The following ATP6V1H variants were observed in gnomAD, a reference collection of about 807,000 sequenced individuals.
ATP6V1H encodes the protein V-type proton ATPase subunit H.
ATP6V1H carries 39 observed loss-of-function variants against 71.7 expected under a neutral mutation model. That is an observed-to-expected ratio of 0.54 (90% CI 0.42 to 0.71). The LOEUF is 0.71. Ranked by LOEUF, ATP6V1H falls within the 30% of genes least tolerant of loss-of-function variation. The pLI is 0.00. For missense variants in ATP6V1H, 509 were observed against 594.9 expected (o/e 0.86, Z 1.50); for synonymous variants, 192 against 199.3 (o/e 0.96, Z 0.31).
In ATP6V1H at chr8:53,788,220, T is replaced by G. The variant is rs1287809052; in HGVS notation, c.870+7427A>C. On this transcript the variant is annotated intron_variant, in intron 9 of 13. Transcript: ENST00000359530. ...CATAATAAGTGCATTACCCCAAATT[T>G]AGCATATGAGAATCTAAAAAAAACT... is the stretch of plus-strand genomic sequence containing the variant. Among the ~76,000 whole-genome samples, 5 of 152,156 alleles carry G rather than the reference T, an allele frequency of 3.3e-5. No homozygotes were observed. The East Asian group carries it at 9.6e-4, about 29-fold the overall frequency.
chr8:53,717,095 G>A (rs562790492), intron 13 of ATP6V1H, among the ~76,000 whole-genome samples: 2 of 152,178 alleles, frequency 1.3e-5, no homozygotes, highest in Admixed American at 1.3e-4. Context: ...CCTATCAACT[G>A]TGTGAGCATC....
At chr8:53,835,146 T>C (rs1811118236) in intron 2 of ATP6V1H, among the ~76,000 whole-genome samples, 1 of 151,888 alleles carries the variant, frequency 6.6e-6, no homozygotes, top group Admixed American at 6.6e-5. Flanking sequence ...AGACCCTGTC[T>C]CAAACAAAAA....
At chr8:53,799,224 T>C (rs1585800631) in intron 8 of ATP6V1H, among the ~76,000 whole-genome samples, 2 of 152,194 alleles carry the variant, frequency 1.3e-5, no homozygotes, top group South Asian at 4.1e-4. Flanking sequence ...TATTGAATTT[T>C]AGTTGTCTTA....
At chr8:53,766,316 C>A (rs1234072535) in intron 11 of ATP6V1H, among the ~76,000 whole-genome samples, 1 of 152,248 alleles carries the variant, frequency 6.6e-6, no homozygotes, top group Admixed American at 6.5e-5. Flanking sequence ...CTTCCCCAAT[C>A]AATACCCTTG....
intron 6 of ATP6V1H, among the ~76,000 whole-genome samples, chr8:53,811,528 T>C (rs1471314038): frequency 1.3e-5 from 2 of 152,222 alleles, no homozygotes; most frequent in African/African-American, 4.8e-5. Context: ...TAAGATTTAC[T>C]TACTGAATTG....
intron 2 of ATP6V1H, chr8:53,839,803 A>T (rs1177329142): frequency 8.1e-6 from 8 of 985,314 alleles, no homozygotes; most frequent in Non-Finnish European, 9.6e-6. Flanking sequence ...TCTGTTTTAC[A>T]TGCTAACTTC....
intron 13 of ATP6V1H, among the ~76,000 whole-genome samples, chr8:53,734,286 C>T (rs1807122927): frequency 6.6e-6 from 1 of 152,214 alleles, no homozygotes; most frequent in Admixed American, 6.5e-5. Flanking sequence ...ACTCAGTTTA[C>T]TCTAGCAGAC....
chr8:53,843,241 AGAAGGAAG>A (rs1165806757), exon 1 of ATP6V1H: 2 of 152,392 alleles, frequency 1.3e-5, no homozygotes, highest in Non-Finnish European at 2.9e-5. Context: ...CCGCACAGGT[AGAAGGAAG>A]CCAGGGCGGC....
chr8:53,725,961 G>A lies in ATP6V1H; in HGVS notation c.1392-9937C>T, dbSNP rs139588943. Among the ~76,000 whole-genome samples, 301 of 152,144 alleles carry A rather than the reference G, an allele frequency of 2.0e-3. 2 individuals carry two copies. Among genetic ancestry groups the A allele is most frequent in the African/African-American group, 7.0e-3 (290 of 41,512 alleles). On this transcript the variant is annotated intron_variant, in intron 13 of 13. Transcript: ENST00000359530. ...GAAATCATTTAGTGGGAAAAAACTA[G>A]GCAAAATTTTTAATTAGCAAAATGT...
chr8:53,739,466 C>A (rs182069176), intron 13 of ATP6V1H: 2 of 152,266 alleles, frequency 1.3e-5, no homozygotes, highest in African/African-American at 4.8e-5. Flanking sequence ...TGGTAACACT[C>A]TTATAACTTA....
intron 12 of ATP6V1H, among the ~76,000 whole-genome samples, chr8:53,747,635 G>C (rs1332400013): frequency 6.6e-6 from 1 of 151,776 alleles, no homozygotes; most frequent in Non-Finnish European, 1.5e-5. Context: ...TGCCTCCTGG[G>C]TTCAAGCAAT....
At chr8:53,755,709 TATATATATATATATATATATA>T (rs1808004074) in intron 12 of ATP6V1H, among the ~76,000 whole-genome samples, 1 of 4,866 alleles carries the variant, frequency 2.1e-4, no homozygotes, top group Non-Finnish European at 4.7e-4. Context: ...TATATATATA[TATATATATATATATATATATA>T]TATATATATA....
rs371612545 is a variant in ATP6V1H at position 53,801,927 on chromosome 8, T to C, written c.580-31A>G. On this transcript the variant is annotated intron_variant, in intron 7 of 13. Coordinates refer to ENST00000359530, the MANE Select transcript of ATP6V1H (RefSeq NM_015941.4). ...CAAGAAGAAGTGTTGAGTTTTTAAA[T>C]GGGAAGCATTTAAAGTCATGCGATC... 1.1e-5 allele frequency: 17 copies of C among 1,590,194 alleles called. No individual in the cohort carries two copies. The African/African-American group carries it at 2.0e-4, about 19-fold the overall frequency.
rs1458207496 is a variant in ATP6V1H, at chr8:53,814,734, C to T, written c.453G>A (p.Trp151Ter). The T allele has an allele frequency of 6.2e-7, 1 of 1,612,566 alleles. No homozygotes were observed. The highest frequency in any genetic ancestry group is 1.1e-5 in the South Asian group (1 of 90,806). Residue 151 changes from tryptophan to a stop codon, truncating the protein, a stop_gained, in exon 6 of 14, where the codon TGG (tryptophan) becomes TGA (stop). Transcript: ENST00000359530. LOFTEE classifies it high-confidence loss of function. Reference sequence around the variant, plus strand: ...CACTGCCTTCCATCAGTTCTTTTCCCCAAGCTGCTAACTTGGCAATAATTC... The same window carrying T: ...CACTGCCTTCCATCAGTTCTTTTCCTCAAGCTGCTAACTTGGCAATAATTC... ...AARIIAKLAA[W>*]GKELMEGSDL...
chr8:53,744,668 A>G (rs561274301), intron 12 of ATP6V1H, among the ~76,000 whole-genome samples: 19 of 152,304 alleles, frequency 1.2e-4, no homozygotes, highest in Admixed American at 3.3e-4. Flanking sequence ...TTTTATCTGC[A>G]TACCTTTTCA....
intron 13 of ATP6V1H, among the ~76,000 whole-genome samples, chr8:53,732,532 A>C (rs1807058138): frequency 6.6e-6 from 1 of 152,228 alleles, no homozygotes; most frequent in East Asian, 1.9e-4. Context: ...ACAATTGGCC[A>C]TGTATTTCAG....
intron 6 of ATP6V1H, among the ~76,000 whole-genome samples, chr8:53,811,738 G>A (rs1810281389): frequency 6.6e-6 from 1 of 152,164 alleles, no homozygotes; most frequent in African/African-American, 2.4e-5. Flanking sequence ...AAAGTCAGAG[G>A]CTGAAAGTGC....
At chr8:53,773,413 T>A (rs1808744924) in intron 9 of ATP6V1H, among the ~76,000 whole-genome samples, 1 of 152,104 alleles carries the variant, frequency 6.6e-6, no homozygotes, top group African/African-American at 2.4e-5. Context: ...CTGAACAGAC[T>A]GAAAAGGCAA....
At chr8:53,776,230 A>C (rs1268147766) in intron 9 of ATP6V1H, among the ~76,000 whole-genome samples, 1 of 152,044 alleles carries the variant, frequency 6.6e-6, no homozygotes, top group Non-Finnish European at 1.5e-5. Flanking sequence ...CCAGAACTCC[A>C]GCTGGCCCGC....
Sources: allele counts gnomAD v4.1 joint callset (sites outside exome capture counted in the v4.1 genomes callset), GRCh38; gene constraint gnomAD v4.1.1; transcripts MANE v1.5; gene names NCBI Gene and HGNC (gene_info 2026-07-23, HGNC 2026-07-21).